Variants in NARF observed in about 807,000 individuals in gnomAD.
The protein encoded by NARF is iron-only hydrogenase-like protein 2.
Under a neutral mutation model 48.0 loss-of-function variants are expected in NARF, and 41 were observed. That is an observed-to-expected ratio of 0.85 (90% CI 0.66 to 1.11). The LOEUF (loss-of-function observed/expected upper bound fraction) is 1.11, where lower values mean the gene tolerates loss of function less well. NARF is among the 50% of genes least tolerant of loss of function. NARF has a pLI of 0.00. For missense variants in NARF, 613 were observed against 590.2 expected (o/e 1.04, Z -0.40); for synonymous variants, 215 against 225.5 (o/e 0.95, Z 0.42).
intron 5 of NARF, 136 bp from the exon 6 acceptor site, chr17:82,478,664 C>T (rs1433306581): frequency 1.1e-6 from 1 of 911,956 alleles, no homozygotes; most frequent in Non-Finnish European, 1.8e-6. Flanking sequence ...AGCACGAGCT[C>T]CTGGTAAGGC....
intron 5 of NARF, among the ~76,000 whole-genome samples, chr17:82,476,307 A>T (rs1267334680): frequency 3.3e-5 from 5 of 151,360 alleles, no homozygotes; most frequent in African/African-American, 7.3e-5. Flanking sequence ...ATGCCCGGCT[A>T]ATTTTTGTAT....
chr17:82,465,658 C>A (rs2043547459), intron 3 of NARF, among the ~76,000 whole-genome samples: 1 of 152,124 alleles, frequency 6.6e-6, no homozygotes, highest in Admixed American at 6.5e-5. Flanking sequence ...CTCTGGTGAT[C>A]CTCCCACCTC....
At chr17:82,469,476 C>G (rs751755274) in intron 4 of NARF, among the ~76,000 whole-genome samples, 26 of 152,212 alleles carry the variant, frequency 1.7e-4, no homozygotes, top group Non-Finnish European at 3.2e-4. Flanking sequence ...GGAACTGCCT[C>G]CCTCCATTTG....
At chr17:82,466,686 CA>C (rs2043577308) in intron 3 of NARF, among the ~76,000 whole-genome samples, 1 of 152,150 alleles carries the variant, frequency 6.6e-6, no homozygotes, top group South Asian at 2.1e-4. Context: ...CTCCTGACCT[CA>C]AGTGATGTGC....
chr17:82,488,317 C>T lies in NARF; in HGVS notation c.*160C>T. The T allele has an allele frequency of 8.7e-7, 1 of 1,155,058 alleles. No homozygotes were observed. The highest frequency in any genetic ancestry group is 1.6e-5 in the South Asian group (1 of 60,984). 71.6% of individuals were successfully genotyped at this position (1,155,058 alleles called of 1,614,324 possible). ...TCCCTGCTACCCCGTTTATTGGAGG[C>T]CCCTCAGGCAGTTTCATGTGGTGCT... On this transcript the variant is annotated 3_prime_UTR_variant, in exon 11 of 11. Transcript: ENST00000309794.
At chr17:82,464,517 G>C in intron 3 of NARF, 87 bp downstream of exon 3, 1 of 1,473,956 alleles carries the variant, frequency 6.8e-7, no homozygotes, top group Non-Finnish European at 9.1e-7. Flanking sequence ...AGAAGCCTCT[G>C]CTGGGACATC....
chr17:82,479,008 G>A, intron 6 of NARF, 90 bp downstream of exon 6: 2 of 1,253,650 alleles, frequency 1.6e-6, no homozygotes, highest in Non-Finnish European at 2.2e-6. Flanking sequence ...CATCTGTCCA[G>A]CGTGGTCACG....
In NARF at chr17:82,488,104, A is replaced by G; in HGVS notation, c.1318A>G (p.Thr440Ala). 1 of 1,614,016 alleles carries G rather than the reference A, an allele frequency of 6.2e-7. No individual in the cohort carries two copies. Among genetic ancestry groups the G allele is most frequent in the African/African-American group, 1.3e-5 (1 of 75,022 alleles). The change falls in exon 11 of 11, where the codon ACC becomes GCC. Residue 440 changes from threonine to alanine, a missense_variant. Thr to Ala is a moderately conservative substitution (Grantham distance 58). Coordinates refer to ENST00000309794, the MANE Select transcript of NARF (RefSeq NM_012336.4). ...CCCCAAGGCCCGAGAGGTGCTGCAT[A>G]CCACGTACCAGAGCCAGGAGCGTGG... ...NSPKAREVLH[T>A]TYQSQERGTH...
At chr17:82,470,045 A>G (rs2043661513) in intron 4 of NARF, among the ~76,000 whole-genome samples, 1 of 152,186 alleles carries the variant, frequency 6.6e-6, no homozygotes, top group Non-Finnish European at 1.5e-5. Context: ...CAGCCTCGAC[A>G]ACATAACAAG....
At chr17:82,465,817 C>T (rs1415385620) in intron 3 of NARF, among the ~76,000 whole-genome samples, 2 of 152,240 alleles carry the variant, frequency 1.3e-5, no homozygotes, top group Non-Finnish European at 2.9e-5. Flanking sequence ...CCTCCAGCCT[C>T]AGCCTCCCAA....
At chr17:82,483,446 A>G in intron 7 of NARF, 1 of 417,074 alleles carries the variant, frequency 2.4e-6, no homozygotes, top group South Asian at 2.6e-5. Context: ...CCACATGGGA[A>G]AATCATGGAG....
chr17:82,459,106 C>G lies in NARF; in HGVS notation c.27+276C>G, dbSNP rs113856184. On this transcript the variant is annotated intron_variant, in intron 1 of 10. Transcript: ENST00000309794. ...ACGCACGGAGACCGAGCCTCTCGTG[C>G]CGCGCACCACAGTCCGAGTAAACAG... 4.2e-6 allele frequency: 5 copies of G among 1,184,202 alleles called. No homozygotes were observed. In the African/African-American group the frequency reaches 6.3e-5, roughly 15 times the overall value. The allele number at this position is 1,184,202 out of a possible 1,614,324, so 73.4% of individuals were successfully genotyped here.
intron 5 of NARF, among the ~76,000 whole-genome samples, chr17:82,473,607 T>A (rs1489420514): frequency 6.6e-6 from 1 of 151,948 alleles, no homozygotes; most frequent in Admixed American, 6.6e-5. Flanking sequence ...TGCCTCGGCC[T>A]CCCAAAATGC....
At chr17:82,461,279 C>G (rs2043431124) in intron 2 of NARF, among the ~76,000 whole-genome samples, 1 of 151,840 alleles carries the variant, frequency 6.6e-6, no homozygotes, top group Non-Finnish European at 1.5e-5. Flanking sequence ...GCTATGGTCT[C>G]TGTTTATTGG....
At chr17:82,468,505 G>A in intron 3 of NARF, 1 of 428,496 alleles carries the variant, frequency 2.3e-6, no homozygotes, top group Non-Finnish European at 4.2e-6. Context: ...TGGAACTGTA[G>A]GCATGCACCA....
intron 5 of NARF, among the ~76,000 whole-genome samples, chr17:82,478,199 G>A (rs2043877666): frequency 6.6e-6 from 1 of 152,178 alleles, no homozygotes; most frequent in African/African-American, 2.4e-5. Context: ...CAGCTGCAGT[G>A]GTGACTTGTG....
At chr17:82,462,791 C>G (rs906556805) in intron 2 of NARF, 1 of 152,488 alleles carries the variant, frequency 6.6e-6, no homozygotes. Context: ...ACCATGAAAA[C>G]TTATGGAAGG....
At position 82,484,834 on chromosome 17, in the gene NARF, C is replaced by T. The variant is rs1179022692; in HGVS notation, c.855C>T (p.Asp285=). 1 of 1,607,774 alleles carries T rather than the reference C, an allele frequency of 6.2e-7. No individual in the cohort carries two copies. Among genetic ancestry groups the T allele is most frequent in the Admixed American group, 1.7e-5 (1 of 58,840 alleles). The change falls in exon 9 of 11, where the codon GAC becomes GAT. Residue 285 remains aspartate (D), a synonymous_variant. Transcript: ENST00000309794. ...TGAGGTTTGGAGACTTGAAGGAGGA[C>T]AAAGTGACGCGTCATGATGGAGCCA... The part of the protein sequence containing the change: ...VDTLFGDLKE[D]KVTRHDGASS...
At position 82,458,766 on chromosome 17, in the gene NARF, A is replaced by T; in HGVS notation, c.-38A>T. 3 of 1,473,238 alleles carry T rather than the reference A, an allele frequency of 2.0e-6. No individual in the cohort carries two copies. The highest frequency in any genetic ancestry group is 1.4e-5 in the South Asian group (1 of 74,002). The allele number at this position is 1,473,238 out of a possible 1,614,324, so 91.3% of individuals were successfully genotyped here. A position where few individuals can be genotyped will look rare whatever the true frequency, so the allele number is the denominator to read the frequency against. On this transcript the variant is annotated 5_prime_UTR_variant, in exon 1 of 11. Coordinates refer to ENST00000309794, the MANE Select transcript of NARF (RefSeq NM_012336.4). The stretch of plus-strand genomic sequence containing the variant: ...GTCCCAGTCTCCCGGTGCTTCCCTG[A>T]GGCTGAGGCGCCCGGCCTCCCGCCC...
Sources: allele counts gnomAD v4.1 joint callset (sites outside exome capture counted in the v4.1 genomes callset), GRCh38; gene constraint gnomAD v4.1.1; transcripts MANE v1.5; gene names NCBI Gene and HGNC (gene_info 2026-07-23, HGNC 2026-07-21).